Variants in CDC14A observed in about 807,000 individuals in gnomAD.
The protein encoded by CDC14A is cell division cycle 14A, also known as dual specificity protein phosphatase CDC14A.
In CDC14A, 53 loss-of-function variants were observed where a neutral mutation model predicts 74.4. The ratio of observed to expected loss-of-function variants is 0.71; its 90% CI spans 0.57 to 0.89. The LOEUF is 0.89. CDC14A is among the 40% of genes least tolerant of loss of function. CDC14A has a pLI of 0.00. For synonymous variants in CDC14A, 247 were observed against 258.4 expected (o/e 0.96, Z 0.43); for missense variants, 646 against 713.7 (o/e 0.91, Z 1.08).
intron 3 of CDC14A, among the ~76,000 whole-genome samples, chr1:100,386,325 A>T (rs1470508137): frequency 6.6e-6 from 1 of 151,514 alleles, no homozygotes; most frequent in African/African-American, 2.4e-5. Flanking sequence ...TCTTTCTGTG[A>T]CCCTCTCTAT....
rs1650424315 is a variant in CDC14A, at chr1:100,518,552, T to G, written c.*272T>G. The G allele has an allele frequency of 9.4e-6, 3 of 318,442 alleles. No individual in the cohort carries two copies. The highest frequency in any genetic ancestry group is 1.8e-5 in the Non-Finnish European group (3 of 170,796). 19.7% of individuals were successfully genotyped at this position (318,442 alleles called of 1,614,324 possible). ...AATTTGGTATTTTGAAGGGTTATTTTTAATGTATTTTGGTAATACATTTAT... is the reference window on the plus strand; with the variant it reads ...AATTTGGTATTTTGAAGGGTTATTTGTAATGTATTTTGGTAATACATTTAT... On this transcript the variant is annotated 3_prime_UTR_variant, in exon 16 of 16. Coordinates refer to ENST00000336454, the MANE Select transcript of CDC14A (RefSeq NM_003672.4).
chr1:100,417,257 G>A (rs1661658474), intron 4 of CDC14A, among the ~76,000 whole-genome samples: 1 of 152,308 alleles, frequency 6.6e-6, no homozygotes, highest in African/African-American at 2.4e-5. Flanking sequence ...GTAGGCTCAG[G>A]TTGAGTCTGG....
chr1:100,509,760 T>A (rs1340051562), intron 15 of CDC14A, among the ~76,000 whole-genome samples: 2 of 152,218 alleles, frequency 1.3e-5, no homozygotes, highest in Non-Finnish European at 2.9e-5. Context: ...TCTAAACAAC[T>A]CAAAGGTTGA....
intron 2 of CDC14A, among the ~76,000 whole-genome samples, chr1:100,364,830 G>A (rs188923910): frequency 6.6e-6 from 1 of 152,174 alleles, no homozygotes; most frequent in African/African-American, 2.4e-5. Context: ...CTTCTCTAAC[G>A]AGGGATGTTA....
intron 5 of CDC14A, among the ~76,000 whole-genome samples, chr1:100,436,255 AAATC>A (rs1425107922): frequency 6.6e-6 from 1 of 152,206 alleles, no homozygotes; most frequent in Non-Finnish European, 1.5e-5. Context: ...GAGTTGAGGA[AAATC>A]AACAGGGAAA....
intron 4 of CDC14A, among the ~76,000 whole-genome samples, chr1:100,406,929 A>AT (rs1488746472): frequency 2.0e-5 from 3 of 150,330 alleles, no homozygotes; most frequent in Non-Finnish European, 4.4e-5. Flanking sequence ...TCTGTCTCAA[A>AT]TAAAAAAAAA....
chr1:100,458,339 C>A (rs1666938235), intron 8 of CDC14A, among the ~76,000 whole-genome samples: 1 of 152,108 alleles, frequency 6.6e-6, no homozygotes, highest in South Asian at 2.1e-4. Flanking sequence ...GAGTAAAACT[C>A]TTTAAAAACA....
At chr1:100,364,464 G>A (rs1270788435) in intron 2 of CDC14A, among the ~76,000 whole-genome samples, 3 of 149,310 alleles carry the variant, frequency 2.0e-5, no homozygotes, top group Non-Finnish European at 4.4e-5. Context: ...CGCCCGCCTC[G>A]GCCTCCCAAA....
In CDC14A at chr1:100,381,073, C is replaced by T. The variant is rs143402408; in HGVS notation, c.216+3452C>T. On this transcript the variant is annotated intron_variant, in intron 3 of 15. Transcript: ENST00000336454. ...GTCATTCTCACTAGACTATGAGCTT[C>T]TAGAGGGTGGAAGGTGGAGGATGTC... Among the ~76,000 whole-genome samples, 607 of 152,298 alleles carry T rather than the reference C, an allele frequency of 4.0e-3. 7 individuals carry two copies. The highest frequency in any genetic ancestry group is 0.013 in the African/African-American group (538 of 41,566).
At chr1:100,415,448 T>G (rs541682174) in intron 4 of CDC14A, among the ~76,000 whole-genome samples, 12 of 152,314 alleles carry the variant, frequency 7.9e-5, no homozygotes, top group African/African-American at 2.9e-4. Flanking sequence ...ATTTTTAGGG[T>G]AGAAATAAGT....
chr1:100,468,461 A>G (rs1004488249), intron 10 of CDC14A, among the ~76,000 whole-genome samples: 1 of 152,154 alleles, frequency 6.6e-6, no homozygotes, highest in African/African-American at 2.4e-5. Flanking sequence ...AAAAACCACA[A>G]TTAAGGTCAC....
At chr1:100,377,501 A>G (rs1205801566) in intron 2 of CDC14A, 45 bp from the exon 3 acceptor site, 4 of 1,298,620 alleles carry the variant, frequency 3.1e-6, no homozygotes, top group Non-Finnish European at 1.1e-6. Context: ...ACTGAAAATT[A>G]TACTTTGACT....
intron 8 of CDC14A, among the ~76,000 whole-genome samples, chr1:100,460,686 G>A (rs988332845): frequency 2.0e-5 from 3 of 152,206 alleles, no homozygotes; most frequent in Non-Finnish European, 4.4e-5. Flanking sequence ...AGTTAGAAAA[G>A]CATGTTTTCT....
intron 4 of CDC14A, among the ~76,000 whole-genome samples, chr1:100,418,474 A>G (rs533095626): frequency 2.0e-4 from 30 of 152,276 alleles, no homozygotes; most frequent in African/African-American, 6.5e-4. Flanking sequence ...TCATTTGAGG[A>G]AAAATGACAA....
intron 9 of CDC14A, among the ~76,000 whole-genome samples, chr1:100,467,673 T>G (rs1354413912): frequency 6.6e-6 from 1 of 152,174 alleles, no homozygotes; most frequent in Non-Finnish European, 1.5e-5. Context: ...TCTCTCTTGC[T>G]TCCATCTCTG....
intron 8 of CDC14A, among the ~76,000 whole-genome samples, chr1:100,456,747 A>G (rs1666737574): frequency 6.6e-6 from 1 of 152,176 alleles, no homozygotes; most frequent in Non-Finnish European, 1.5e-5. Flanking sequence ...GCTTTCATAA[A>G]TATGCTTATC....
At chr1:100,423,556 A>T (rs565567539) in intron 4 of CDC14A, among the ~76,000 whole-genome samples, 1 of 152,326 alleles carries the variant, frequency 6.6e-6, no homozygotes, top group East Asian at 1.9e-4. Flanking sequence ...TATACTCAGT[A>T]TCTATGTATA....
intron 10 of CDC14A, among the ~76,000 whole-genome samples, chr1:100,471,206 A>G (rs911372019): frequency 6.6e-6 from 1 of 152,160 alleles, no homozygotes; most frequent in African/African-American, 2.4e-5. Flanking sequence ...AAGCCCAAGA[A>G]CAAGCAAAAC....
chr1:100,383,520 G>A (rs1389896977), intron 3 of CDC14A: 1 of 152,596 alleles, frequency 6.6e-6, no homozygotes, highest in African/African-American at 2.4e-5. Context: ...GGTAAAACTT[G>A]TAAAGGTCAT....
Sources: gnomAD v4.1 joint callset for allele counts (sites outside exome capture counted in the v4.1 genomes callset) on GRCh38, gnomAD v4.1.1 for gene constraint, MANE v1.5 for transcripts, NCBI Gene and HGNC (gene_info 2026-07-23, HGNC 2026-07-21) for gene names.